The following MUC5AC variants were observed in gnomAD, a reference collection of about 807,000 sequenced individuals.
The protein encoded by MUC5AC is mucin-5AC.
Under a neutral mutation model 169.7 loss-of-function variants are expected in MUC5AC, and 158 were observed. That is an observed-to-expected ratio of 0.93 (90% CI 0.82 to 1.06). The LOEUF is 1.06. MUC5AC is among the 50% of genes least tolerant of loss of function. The probability of loss-of-function intolerance (pLI) is 0.00; values close to 1 mark genes in which losing one functional copy is unlikely to be tolerated. For synonymous variants in MUC5AC, 1,975 were observed against 1,237.0 expected, an observed-to-expected ratio of 1.60 and a Z score of -12.52; for missense variants, 4,359 against 3,089.9, an observed-to-expected ratio of 1.41 and a Z score of -9.74.
Position 1,187,859 on chromosome 11 carries a change from C to T in MUC5AC, c.9714C>T (p.Ser3238=). 3 of 763,752 alleles carry T rather than the reference C, an allele frequency of 3.9e-6. No individual in the cohort carries two copies. The highest frequency in any genetic ancestry group is 7.2e-6 in the Non-Finnish European group (3 of 416,938). 47.3% of individuals were successfully genotyped at this position (763,752 alleles called of 1,614,324 possible). The change falls in exon 31 of 49, where the codon TCC becomes TCT. Residue 3238 remains serine (S), a synonymous_variant. Transcript: ENST00000621226. ...AGTGGTTTGACATAGACTTCCCATCCCCTGGACCCCACGGCGGGGACAAGG... is the reference window on the plus strand; with the variant it reads ...AGTGGTTTGACATAGACTTCCCATCTCCTGGACCCCACGGCGGGGACAAGG... ...WTKWFDIDFP[S]PGPHGGDKET...
Position 1,168,875 on chromosome 11 carries a change from C to A in MUC5AC, c.1719C>A (p.Asn573Lys). The A allele has an allele frequency of 6.3e-7, 1 of 1,599,602 alleles. No homozygotes were observed. Among genetic ancestry groups the A allele is most frequent in the Admixed American group, 1.7e-5 (1 of 58,554 alleles). ...LRGQTCGLCG[N>K]FNSIQADDFR... ...ACCCGCCCCCAGGTCTCTGTGGGAA[C>A]TTCAACAGCATCCAGGCCGATGACT... The change falls in exon 15 of 49, where the codon AAC becomes AAA. Residue 573 changes from asparagine to lysine, a missense_variant. Physicochemically the swap from Asn to Lys is moderately conservative, Grantham distance 94. Coordinates refer to ENST00000621226, the MANE Select transcript of MUC5AC (RefSeq NM_001304359.2).
chr11:1,168,080 T>C, intron 12 of MUC5AC, 93 bp downstream of exon 12: 1 of 1,121,174 alleles, frequency 8.9e-7, no homozygotes, highest in Non-Finnish European at 1.3e-6. Flanking sequence ...ATCCCTGGCA[T>C]GAACAGCGAG....
rs1860715996 is a variant in MUC5AC at position 1,177,514 on chromosome 11, G to A, written c.2968G>A (p.Glu990Lys). 1 of 398,768 alleles carries A rather than the reference G, an allele frequency of 2.5e-6. No individual in the cohort carries two copies. The highest frequency in any genetic ancestry group is 4.4e-5 in the Admixed American group (1 of 22,734). The allele number at this position is 398,768 out of a possible 1,614,324, so 24.7% of individuals were successfully genotyped here. The change falls in exon 24 of 49, where the codon GAG becomes AAG. Residue 990 changes from glutamate to lysine, a missense_variant. By Grantham distance (56) the Glu-to-Lys change is moderately conservative (BLOSUM62 1). Coordinates refer to ENST00000621226, the MANE Select transcript of MUC5AC (RefSeq NM_001304359.2). ...VEVIGTDESQ[E>K]VPYTIRQMGI... ...GGTGATCGGGACGGACGAGAGCCAG[G>A]AGGTGCCATACACCATCCGGCAGAT...
At chr11:1,158,949 C>T (rs977473509) in intron 1 of MUC5AC, among the ~76,000 whole-genome samples, 10 of 152,224 alleles carry the variant, frequency 6.6e-5, no homozygotes, top group African/African-American at 1.7e-4. Context: ...GACTCTGCCC[C>T]GCCGTCCCTC....
At chr11:1,173,622 A>C (rs1860607257) in intron 16 of MUC5AC, among the ~76,000 whole-genome samples, 6 of 144,738 alleles carry the variant, frequency 4.1e-5, no homozygotes, top group Admixed American at 1.4e-4. Context: ...TCCACTCATT[A>C]CTCATCCACT....
chr11:1,187,711 G>A lies in MUC5AC; in HGVS notation c.9566G>A (p.Ser3189Asn). Residue 3189 changes from serine to asparagine, a missense_variant, in exon 31 of 49, where the codon AGC becomes AAC. Transcript: ENST00000621226. ...ACCCCTGGTCCTGGAACCACTCCCAGCCCCGTTCCCACCACCAGCACAGCC... is the reference window on the plus strand; with the variant it reads ...ACCCCTGGTCCTGGAACCACTCCCAACCCCGTTCCCACCACCAGCACAGCC... ...STTPGPGTTP[S>N]PVPTTSTASV... is the part of the protein sequence containing the mutation. 1.3e-6 allele frequency: 1 copy of A among 764,778 alleles called. No homozygotes were observed. The highest frequency in any genetic ancestry group is 1.3e-5 in the South Asian group (1 of 74,576). 47.4% of individuals were successfully genotyped at this position (764,778 alleles called of 1,614,324 possible).
intron 32 of MUC5AC, among the ~76,000 whole-genome samples, chr11:1,193,275 G>A (rs1196819898): frequency 6.7e-6 from 1 of 149,742 alleles, no homozygotes; most frequent in Non-Finnish European, 1.5e-5. Context: ...GTGTGGCAGA[G>A]CCAGGGAGGA....
Position 1,189,479 on chromosome 11 carries a change from C to T in MUC5AC, c.11334C>T (p.Ala3778=). The change falls in exon 31 of 49, where the codon GCC becomes GCT. Residue 3778 remains alanine, a synonymous_variant. Transcript: ENST00000621226. ...SSAPTTNTTS[A]PTTSTTSAPI... is the part of the protein sequence containing the mutation. ...CTCCTACAACCAACACAACCTCTGC[C>T]CCTACAACTAGCACTACCTCTGCTC... The T allele has an allele frequency of 1.7e-6, 1 of 576,688 alleles. No homozygotes were observed. The highest frequency in any genetic ancestry group is 2.4e-5 in the South Asian group (1 of 42,036). The allele number at this position is 576,688 out of a possible 1,614,324, so 35.7% of individuals were successfully genotyped here. A position where few individuals can be genotyped will look rare whatever the true frequency, so the allele number is the denominator to read the frequency against.
At chr11:1,170,158 TTCAC>T (rs1210693762) in intron 15 of MUC5AC, among the ~76,000 whole-genome samples, 2 of 20,632 alleles carry the variant, frequency 9.7e-5, no homozygotes, top group African/African-American at 3.3e-4. Context: ...CATTCACCCA[TTCAC>T]TCACTCACCC....
chr11:1,160,377 C>T (rs1469885595), intron 1 of MUC5AC, among the ~76,000 whole-genome samples: 1 of 152,000 alleles, frequency 6.6e-6, no homozygotes, highest in Non-Finnish European at 1.5e-5. Context: ...GCCACCTGCT[C>T]CATGGGGCCA....
In MUC5AC at chr11:1,191,522, TC is replaced by T. The variant is rs1861095979; in HGVS notation, c.13378del (p.Leu4460SerfsTer11). On this transcript the variant is annotated frameshift_variant, in exon 31 of 49. Coordinates refer to ENST00000621226, the MANE Select transcript of MUC5AC (RefSeq NM_001304359.2). LOFTEE classifies it high-confidence loss of function. ...TSASTTSTIS[L>X]PTTSTTSAPI... ...CTGCTTCTACAACCAGCACAATCTCTCTCCCTACAACCAGCACAACCTCTGC... is the reference window on the plus strand; with the variant it reads ...CTGCTTCTACAACCAGCACAATCTCTTCCCTACAACCAGCACAACCTCTGC... The T allele has an allele frequency of 3.1e-6, 2 of 643,952 alleles. No individual in the cohort carries two copies. The highest frequency in any genetic ancestry group is 3.7e-5 in the African/African-American group (2 of 54,204). 39.9% of individuals were successfully genotyped at this position (643,952 alleles called of 1,614,324 possible).
intron 15 of MUC5AC, among the ~76,000 whole-genome samples, chr11:1,169,628 T>C (rs1860439785): frequency 3.6e-5 from 4 of 109,890 alleles, no homozygotes; most frequent in African/African-American, 7.3e-5. Context: ...CTCACCTCAC[T>C]CACTCACCCA....
intron 31 of MUC5AC, 62 bp from the exon 32 acceptor site, chr11:1,192,721 G>GT (rs1419927425): frequency 1.4e-5 from 10 of 701,650 alleles, no homozygotes; most frequent in African/African-American, 7.0e-5. Context: ...GGCTCTGGGA[G>GT]TTTTTTGCTT....
rs752270273 is a variant in MUC5AC at position 1,192,912 on chromosome 11, C to T, written c.14510C>T (p.Thr4837Met). 84 of 762,714 alleles carry T rather than the reference C, an allele frequency of 1.1e-4. No individual in the cohort carries two copies. Among genetic ancestry groups the T allele is most frequent in the South Asian group, 8.9e-4 (66 of 74,248 alleles). The allele number at this position is 762,714 out of a possible 1,614,324, so 47.2% of individuals were successfully genotyped here. Residue 4837 changes from threonine to methionine, a missense_variant, in exon 32 of 49, where the codon ACG (threonine) becomes ATG (methionine). By Grantham distance (81) the Thr-to-Met change is moderately conservative. Transcript: ENST00000621226. ...ACCACGCTGCCTCCTGCCCCAGCCACGTCCCCTTCAATATCCACCTCCGAG... is the reference window on the plus strand; with the variant it reads ...ACCACGCTGCCTCCTGCCCCAGCCATGTCCCCTTCAATATCCACCTCCGAG... ...PSTTLPPAPA[T>M]SPSISTSEPV...
rs1335673780 is a variant in MUC5AC at position 1,194,279 on chromosome 11, C to T, written c.14925C>T (p.Cys4975=). The change falls in exon 34 of 49, where the codon TGC becomes TGT. Residue 4975 remains cysteine, a synonymous_variant. Transcript: ENST00000621226. Reference sequence around the variant, plus strand: ...GCGGTGCGGAGGACGGGCTCTCCTGCCCGAGGTCCATCATCCTGGAGTACC... The same window carrying T: ...GCGGTGCGGAGGACGGGCTCTCCTGTCCGAGGTCCATCATCCTGGAGTACC... ...YFCGAEDGLS[C]PRSIILEYHQ... 1.3e-6 allele frequency: 1 copy of T among 762,348 alleles called. No homozygotes were observed. The highest frequency in any genetic ancestry group is 2.4e-5 in the East Asian group (1 of 41,126). The allele number at this position is 762,348 out of a possible 1,614,324, so 47.2% of individuals were successfully genotyped here.
Position 1,196,436 on chromosome 11 carries a change from AC to A in MUC5AC, c.15690del (p.Ser5231ProfsTer30), listed in dbSNP as rs1476767349. 2.6e-6 allele frequency: 2 copies of A among 764,812 alleles called. No homozygotes were observed. Among genetic ancestry groups the A allele is most frequent in the African/African-American group, 3.4e-5 (2 of 59,190 alleles). The allele number at this position is 764,812 out of a possible 1,614,324, so 47.4% of individuals were successfully genotyped here. On this transcript the variant is annotated frameshift_variant, in exon 38 of 49. Coordinates refer to ENST00000621226, the MANE Select transcript of MUC5AC (RefSeq NM_001304359.2). LOFTEE classifies it high-confidence loss of function. ...DKVYQPCGPS[N>X]PSYCYGNDSA... ...GTGTACCAGCCCTGCGGCCCGAGCA[AC>A]CCCTCCTACTGCTACGGGAATGACA...
Position 1,178,601 on chromosome 11 carries a change from C to T in MUC5AC, c.3245C>T (p.Thr1082Met), listed in dbSNP as rs1430708962. The change falls in exon 25 of 49, where the codon ACG becomes ATG. Residue 1082 changes from threonine (T) to methionine (M), a missense_variant. Coordinates refer to ENST00000621226, the MANE Select transcript of MUC5AC (RefSeq NM_001304359.2). Reference sequence around the variant, plus strand: ...GCCCTGGCGCCCAAGGACCCCTGCACGGCCAACCCCTTCCGCAAGTCCTGG... The same window carrying T: ...GCCCTGGCGCCCAAGGACCCCTGCATGGCCAACCCCTTCCGCAAGTCCTGG... ...PDALAPKDPC[T>M]ANPFRKSWAQ... 2.3e-5 allele frequency: 32 copies of T among 1,407,030 alleles called. No homozygotes were observed. Among genetic ancestry groups the T allele is most frequent in the Middle Eastern group, 3.8e-4 (2 of 5,298 alleles). 87.2% of individuals were successfully genotyped at this position (1,407,030 alleles called of 1,614,324 possible).
chr11:1,195,369 G>C, intron 36 of MUC5AC, 90 bp downstream of exon 36: 1 of 711,054 alleles, frequency 1.4e-6, no homozygotes, highest in South Asian at 1.5e-5. Flanking sequence ...CGCATTTTCA[G>C]GGGGCTCCTG....
At chr11:1,170,116 C>G (rs1860459177) in intron 15 of MUC5AC, among the ~76,000 whole-genome samples, 3 of 119,716 alleles carry the variant, frequency 2.5e-5, no homozygotes, top group Non-Finnish European at 3.5e-5. Context: ...CCCACTCACC[C>G]ATTCACCCAT....
Sources: allele counts gnomAD v4.1 joint callset (sites outside exome capture counted in the v4.1 genomes callset), GRCh38; gene constraint gnomAD v4.1.1; transcripts MANE v1.5; gene names NCBI Gene and HGNC (gene_info 2026-07-23, HGNC 2026-07-21).